The following NFRKB variants were observed in gnomAD, a reference collection of about 807,000 sequenced individuals.
NFRKB encodes the protein nuclear factor related to kappaB binding protein.
NFRKB carries 62 observed loss-of-function variants against 135.7 expected under a neutral mutation model. That is an observed-to-expected ratio of 0.46 (90% confidence interval 0.37 to 0.56). The LOEUF is 0.56. Among genes scored for constraint, NFRKB ranks in the 20% least tolerant of loss-of-function variants. NFRKB has a pLI of 0.00. For synonymous variants in NFRKB, 678 were observed against 635.6 expected (o/e 1.07, Z -1.00); for missense variants, 1,545 against 1,662.0 (o/e 0.93, Z 1.22).
At chr11:129,887,942 C>A (rs1451471191) in intron 4 of NFRKB, among the ~76,000 whole-genome samples, 1 of 152,146 alleles carries the variant, frequency 6.6e-6, no homozygotes, top group Non-Finnish European at 1.5e-5. Flanking sequence ...GAGGCTGAGG[C>A]AGGAGAATGG....
chr11:129,888,404 A>G (rs1949380441), intron 4 of NFRKB, 190 bp downstream of exon 4: 1 of 701,294 alleles, frequency 1.4e-6, no homozygotes, highest in Non-Finnish European at 2.6e-6. Flanking sequence ...TGTATTTTCT[A>G]TATAAGTCAA....
rs1313386624 is a variant in NFRKB, at chr11:129,873,831, C to A, written c.2464G>T (p.Gly822Trp). The A allele has an allele frequency of 6.2e-7, 1 of 1,614,218 alleles. No individual in the cohort carries two copies. Among genetic ancestry groups the A allele is most frequent in the African/African-American group, 1.3e-5 (1 of 75,050 alleles). The change falls in exon 22 of 27, where the codon GGG (glycine) becomes TGG (tryptophan). Residue 822 changes from glycine (G) to tryptophan (W), a missense_variant. This residue lies in a region of NFRKB where 753 missense variants were observed against 804.3 expected (regional missense o/e 0.94). Coordinates refer to ENST00000682444, the MANE Select transcript of NFRKB (RefSeq NM_001143835.2). ...SLPAVPQQSG[G>W]PAQTLPQMPA... Reference sequence around the variant, plus strand: ...ATCTGTGGCAATGTCTGTGCCGGCCCTCCCGACTGCTGGGGAACAGCAGGA... The same window carrying A: ...ATCTGTGGCAATGTCTGTGCCGGCCATCCCGACTGCTGGGGAACAGCAGGA...
intron 3 of NFRKB, among the ~76,000 whole-genome samples, chr11:129,892,072 C>T (rs1241786314): frequency 1.3e-5 from 2 of 150,416 alleles, no homozygotes; most frequent in African/African-American, 4.9e-5. Flanking sequence ...ATTATTATTT[C>T]AATAGTATTG....
In NFRKB at chr11:129,869,606, T is replaced by C. The variant is rs1420883451; in HGVS notation, c.3419A>G (p.Lys1140Arg). ...SLPSMNAAVSKTVAVASGAAS... is the reference protein window; with the variant it reads ...SLPSMNAAVSRTVAVASGAAS... ...AGCCCCAGAAGCCACAGCTACAGTC[T>C]TGGACACAGCAGCATTCATACTGGG... The change falls in exon 24 of 27, where the codon AAG becomes AGG. Residue 1140 changes from lysine (K) to arginine (R), a missense_variant. Physicochemically the swap from Lys to Arg is conservative, Grantham distance 26. Around this residue, in one of 3 missense-constraint regions of NFRKB, gnomAD observed 753 missense variants for 804.3 expected, o/e 0.94. Coordinates refer to ENST00000682444, the MANE Select transcript of NFRKB (RefSeq NM_001143835.2). 1 of 1,614,192 alleles carries C rather than the reference T, an allele frequency of 6.2e-7. No individual in the cohort carries two copies. Among genetic ancestry groups the C allele is most frequent in the Admixed American group, 1.7e-5 (1 of 60,028 alleles).
intron 3 of NFRKB, among the ~76,000 whole-genome samples, chr11:129,889,951 CGTGTGTGTGT>C (rs56216860): frequency 0.01 from 1,373 of 135,342 alleles, 28 homozygotes; most frequent in African/African-American, 0.035. Context: ...TATTGTCTTA[CGTGTGTGTGT>C]GTGTGTGTGT....
rs753593788 is a variant in NFRKB at position 129,882,159 on chromosome 11, T to A, written c.1118A>T (p.Asn373Ile). 1 of 1,613,348 alleles carries A rather than the reference T, an allele frequency of 6.2e-7. No homozygotes were observed. The highest frequency in any genetic ancestry group is 8.5e-7 in the Non-Finnish European group (1 of 1,179,838). ...LEDLKPCLGI[N>I]EISSSFFSLL... ...AGAGAAGAAGCTGGAAGATATTTCA[T>A]TGATTCCAAGGCAAGGCTTGAGGTC... is the stretch of plus-strand genomic sequence containing the variant. Residue 373 changes from asparagine (N) to isoleucine (I), a missense_variant, in exon 11 of 27, where the codon AAT (asparagine) becomes ATT (isoleucine). Around this residue, in one of 3 missense-constraint regions of NFRKB, gnomAD observed 678 missense variants for 646.7 expected, o/e 1.05. Transcript: ENST00000682444.
Position 129,881,807 on chromosome 11 carries a change from A to G in NFRKB, c.1238T>C (p.Leu413Pro), listed in dbSNP as rs374134722. Reference sequence around the variant, plus strand: ...GGGGGCCGCAGAGAACCAGCTGTTGAGGGAGCTGGCTGGCGATGACTGCCA... The same window carrying G: ...GGGGGCCGCAGAGAACCAGCTGTTGGGGGAGCTGGCTGGCGATGACTGCCA... ...LDWQSSPASS[L>P]NSWFSAAPNW... Residue 413 changes from leucine (L) to proline (P), a missense_variant, in exon 12 of 27, where the codon CTC (leucine) becomes CCC (proline). Leu to Pro is a moderately conservative substitution (Grantham distance 98). Around this residue, in one of 3 missense-constraint regions of NFRKB, gnomAD observed 678 missense variants for 646.7 expected, o/e 1.05. Transcript: ENST00000682444. 3.1e-6 allele frequency: 5 copies of G among 1,613,340 alleles called. No individual in the cohort carries two copies. The highest frequency in any genetic ancestry group is 3.4e-6 in the Non-Finnish European group (4 of 1,179,788).
At chr11:129,881,933 A>G in intron 11 of NFRKB, 80 bp from the exon 12 acceptor site, 4 of 1,530,622 alleles carry the variant, frequency 2.6e-6, no homozygotes, top group Non-Finnish European at 3.5e-6. Context: ...CACAACCTGC[A>G]GTATATGCAT....
intron 4 of NFRKB, chr11:129,888,189 A>AT (rs1476091782): frequency 4.0e-6 from 2 of 503,872 alleles, no homozygotes; most frequent in Non-Finnish European, 3.5e-6. Flanking sequence ...GTGAAGTGTC[A>AT]TATTTTCTGC....
At chr11:129,883,963 AG>A in intron 8 of NFRKB, 106 bp downstream of exon 8, 1 of 1,151,072 alleles carries the variant, frequency 8.7e-7, no homozygotes, top group Non-Finnish European at 1.3e-6. Context: ...CCACAGTGGT[AG>A]GGAGGACATA....
At position 129,874,115 on chromosome 11, in the gene NFRKB, C is replaced by G. The variant is rs1041284715; in HGVS notation, c.2277G>C (p.Ser759=). 1 of 1,547,942 alleles carries G rather than the reference C, an allele frequency of 6.5e-7. No individual in the cohort carries two copies. The highest frequency in any genetic ancestry group is 1.4e-5 in the African/African-American group (1 of 72,642). ...GCTGAAGAAAAGGAGGAACTTACCCCGAGCTAGACTTAGCTGGTTCTGAGA... is the reference window on the plus strand; with the variant it reads ...GCTGAAGAAAAGGAGGAACTTACCCGGAGCTAGACTTAGCTGGTTCTGAGA... The part of the protein sequence containing the change: ...STVSEPAKSS[S]GVLLVSSPTM... Residue 759 remains serine, a splice_region_variant and synonymous_variant, in exon 21 of 27, where the codon TCG becomes TCC. Coordinates refer to ENST00000682444, the MANE Select transcript of NFRKB (RefSeq NM_001143835.2). This position sits in a 1 kb window ranked among gnomAD's most constrained non-coding sequence, Gnocchi z 4.5.
At chr11:129,866,218 C>T (rs1948185506) in intron 24 of NFRKB, among the ~76,000 whole-genome samples, 1 of 152,108 alleles carries the variant, frequency 6.6e-6, no homozygotes, top group Non-Finnish European at 1.5e-5. Flanking sequence ...CCACCAGAAG[C>T]AGCAGCAACC....
Position 129,865,969 on chromosome 11 carries a change from T to C in NFRKB, c.3546A>G (p.Thr1182=), listed in dbSNP as rs1591467514. 4 of 1,594,534 alleles carry C rather than the reference T, an allele frequency of 2.5e-6. No individual in the cohort carries two copies. Among genetic ancestry groups the C allele is most frequent in the Non-Finnish European group, 3.4e-6 (4 of 1,171,150 alleles). ...VSTSQAGKLP[T]RITVPLSVIS... is the part of the protein sequence containing the mutation. The stretch of plus-strand genomic sequence containing the variant: ...TCACAGAGAGGGGAACTGTGATCCG[T>C]GTAGGCAACTTCCCCTAGAAAAAAA... Residue 1182 remains threonine (T), a synonymous_variant, in exon 25 of 27, where the codon ACA becomes ACG. Coordinates refer to ENST00000682444, the MANE Select transcript of NFRKB (RefSeq NM_001143835.2).
chr11:129,872,853 T>C, intron 23 of NFRKB, 31 bp downstream of exon 23: 3 of 1,560,138 alleles, frequency 1.9e-6, no homozygotes, highest in South Asian at 2.4e-5. Context: ...GGATGAAGGA[T>C]TGAGATCCAC....
intron 3 of NFRKB, among the ~76,000 whole-genome samples, chr11:129,892,042 C>CTT (rs148860141): frequency 1.1e-3 from 160 of 149,874 alleles, no homozygotes; most frequent in Middle Eastern, 3.5e-3. Context: ...TAATTTCTTC[C>CTT]TTTTTTTTTT....
Position 129,864,756 on chromosome 11 carries a change from G to A in NFRKB, c.3869C>T (p.Pro1290Leu), listed in dbSNP as rs759553565. 16 of 1,614,180 alleles carry A rather than the reference G, an allele frequency of 9.9e-6. No homozygotes were observed. Among genetic ancestry groups the A allele is most frequent in the East Asian group, 4.5e-5 (2 of 44,882 alleles). Residue 1290 changes from proline to leucine, a missense_variant, in exon 27 of 27, where the codon CCG becomes CTG. Pro to Leu is a moderately conservative substitution (Grantham distance 98, BLOSUM62 -3). This residue lies in a region of NFRKB where 753 missense variants were observed against 804.3 expected (regional missense o/e 0.94). Coordinates refer to ENST00000682444, the MANE Select transcript of NFRKB (RefSeq NM_001143835.2). ...TTGCTCAGGTGCCTGTTTAGGAGAC[G>A]GAGCTGTAGTCACAACAACAGTGGA... ...AVSTVVVTTAPSPKQAPEQQ is the reference protein window; with the variant it reads ...AVSTVVVTTALSPKQAPEQQ
Position 129,876,911 on chromosome 11 carries a change from G to A in NFRKB, c.1573-16C>T. On this transcript the variant is annotated splice_polypyrimidine_tract_variant and intron_variant, in intron 16 of 26. Transcript: ENST00000682444. ...TGTAACGCTCCTACCAAGAGACAAG[G>A]GACAAGAGTTCTAGGTCAGAATTAG... 3 of 1,610,614 alleles carry A rather than the reference G, an allele frequency of 1.9e-6. No individual in the cohort carries two copies. The highest frequency in any genetic ancestry group is 2.5e-6 in the Non-Finnish European group (3 of 1,178,112).
intron 24 of NFRKB, among the ~76,000 whole-genome samples, chr11:129,869,098 G>A (rs1334872617): frequency 1.3e-5 from 2 of 152,162 alleles, no homozygotes; most frequent in African/African-American, 4.8e-5. Context: ...ACGTGTACAT[G>A]TATGAAAATG....
At chr11:129,880,770 C>CT (rs1459455644) in intron 13 of NFRKB, among the ~76,000 whole-genome samples, 2 of 152,218 alleles carry the variant, frequency 1.3e-5, no homozygotes, top group African/African-American at 4.8e-5. Flanking sequence ...CCCCCAGCAC[C>CT]TAACAGTGCC....
Sources: gnomAD v4.1 joint callset for allele counts (sites outside exome capture counted in the v4.1 genomes callset) on GRCh38, gnomAD v4.1.1 for gene constraint, gnomAD v4.1.1 regional missense constraint, Gnocchi (gnomAD v3.1) non-coding constraint, MANE v1.5 for transcripts, NCBI Gene and HGNC (gene_info 2026-07-23, HGNC 2026-07-21) for gene names.